Variants in EFCAB11 observed in about 807,000 individuals in gnomAD.
EFCAB11 encodes the protein EF-hand calcium-binding domain-containing protein 11.
EFCAB11 carries 14 observed loss-of-function variants against 23.0 expected under a neutral mutation model. The ratio of observed to expected loss-of-function variants is 0.61; its 90% CI spans 0.40 to 0.95. EFCAB11 has a LOEUF of 0.95. EFCAB11 is among the 40% of genes least tolerant of loss of function. EFCAB11 has a pLI of 0.00. For synonymous variants in EFCAB11, 65 were observed against 66.6 expected (o/e 0.98, Z 0.11); for missense variants, 198 against 195.8 (o/e 1.01, Z -0.07).
Position 89,908,505 on chromosome 14 carries a change from T to C in EFCAB11, c.410+23036A>G, listed in dbSNP as rs78798731. On this transcript the variant is annotated intron_variant, in intron 5 of 5. Coordinates refer to ENST00000316738, the MANE Select transcript of EFCAB11 (RefSeq NM_145231.4). ...ATGCACAAAACTATGAAAAATATTG[T>C]ATAAAATTACCTTCAGGCTTTGTGT... 4.3e-3 allele frequency among the ~76,000 whole-genome samples: 660 copies of C among 152,344 alleles called. 19 individuals carry two copies. The highest frequency in any genetic ancestry group is 0.032 in the Admixed American group (485 of 15,304).
At chr14:89,858,419 T>C (rs1887820201) in intron 5 of EFCAB11, among the ~76,000 whole-genome samples, 1 of 152,194 alleles carries the variant, frequency 6.6e-6, no homozygotes, top group Admixed American at 6.5e-5. Context: ...CAGCTGAGTG[T>C]CAGGGAAATT....
intron 5 of EFCAB11, among the ~76,000 whole-genome samples, chr14:89,874,420 C>T (rs1334270634): frequency 1.3e-5 from 2 of 152,294 alleles, no homozygotes; most frequent in South Asian, 2.1e-4. Context: ...TAACATTTGG[C>T]TCCTTGTTAT....
chr14:89,911,213 G>T (rs535583184), intron 5 of EFCAB11, among the ~76,000 whole-genome samples: 1 of 152,280 alleles, frequency 6.6e-6, no homozygotes, highest in African/African-American at 2.4e-5. Flanking sequence ...AAAATACAAG[G>T]CTAACCAAAC....
chr14:89,824,029 C>T (rs1886610952), intron 5 of EFCAB11, among the ~76,000 whole-genome samples: 2 of 152,022 alleles, frequency 1.3e-5, no homozygotes, highest in Admixed American at 1.3e-4. Flanking sequence ...AGAATGATGG[C>T]CAAACATTGT....
chr14:89,942,701 G>T (rs951217995), intron 3 of EFCAB11, among the ~76,000 whole-genome samples: 4 of 151,920 alleles, frequency 2.6e-5, no homozygotes, highest in Non-Finnish European at 5.9e-5. Flanking sequence ...AACAGTTTTT[G>T]CTTATATTCA....
At chr14:89,948,881 C>CAA (rs371225329) in intron 3 of EFCAB11, among the ~76,000 whole-genome samples, 18 of 113,088 alleles carry the variant, frequency 1.6e-4, no homozygotes, top group Non-Finnish European at 3.2e-4. Flanking sequence ...TTAATGGATA[C>CAA]AAAAAAAAAA....
chr14:89,895,139 T>C (rs1010750076), intron 5 of EFCAB11, among the ~76,000 whole-genome samples: 2 of 152,050 alleles, frequency 1.3e-5, no homozygotes, highest in Admixed American at 6.6e-5. Context: ...AGAATGGGGG[T>C]TGGCATATAA....
chr14:89,801,586 C>T (rs978153165), intron 5 of EFCAB11, among the ~76,000 whole-genome samples: 3 of 152,160 alleles, frequency 2.0e-5, no homozygotes, highest in African/African-American at 7.2e-5. Context: ...TACAGGAAGA[C>T]CTCAGATGAC....
At chr14:89,849,211 C>T (rs1887522058) in intron 5 of EFCAB11, among the ~76,000 whole-genome samples, 1 of 152,200 alleles carries the variant, frequency 6.6e-6, no homozygotes, top group Non-Finnish European at 1.5e-5. Flanking sequence ...ACCTCTAGGT[C>T]TGTGCCCAGG....
At chr14:89,843,457 T>A (rs1887334667) in intron 5 of EFCAB11, among the ~76,000 whole-genome samples, 1 of 152,314 alleles carries the variant, frequency 6.6e-6, no homozygotes, top group African/African-American at 2.4e-5. Context: ...GCTTCCGAAT[T>A]TCCTTTGTAG....
chr14:89,925,648 C>CTTTTTT lies in EFCAB11; in HGVS notation c.410+5887_410+5892dup, dbSNP rs397758240. ...GAGGAATACAAAGTTATGTTTCTTTCTTTTTTTTTTTTTTTGAGATGGAGT... is the reference window on the plus strand; with the variant it reads ...GAGGAATACAAAGTTATGTTTCTTTCTTTTTTTTTTTTTTTTTTTTTGAGATGGAGT... On this transcript the variant is annotated intron_variant, in intron 5 of 5. Coordinates refer to ENST00000316738, the MANE Select transcript of EFCAB11 (RefSeq NM_145231.4). 3.8e-3 allele frequency among the ~76,000 whole-genome samples: 512 copies of CTTTTTT among 134,670 alleles called. 9 individuals are homozygous for CTTTTTT. Among genetic ancestry groups the CTTTTTT allele is most frequent in the African/African-American group, 0.013 (463 of 35,602 alleles). The allele number at this position is 134,670 out of a possible 152,430, so 88.3% of individuals were successfully genotyped here.
chr14:89,856,104 T>C (rs565515960), intron 5 of EFCAB11, among the ~76,000 whole-genome samples: 72 of 152,276 alleles, frequency 4.7e-4, no homozygotes, highest in African/African-American at 1.6e-3. Flanking sequence ...CTTTACAAAG[T>C]GGTGAATTTT....
At chr14:89,906,606 A>C (rs1230203015) in intron 5 of EFCAB11, among the ~76,000 whole-genome samples, 1 of 152,184 alleles carries the variant, frequency 6.6e-6, no homozygotes, top group African/African-American at 2.4e-5. Flanking sequence ...GAAGACAGAA[A>C]ATTGTGTGTG....
At chr14:89,799,096 G>T (rs1885680638) in intron 5 of EFCAB11, 1 of 152,106 alleles carries the variant, frequency 6.6e-6, no homozygotes, top group African/African-American at 2.4e-5. Flanking sequence ...GCCTGTTATT[G>T]TATTAACTCC....
intron 5 of EFCAB11, among the ~76,000 whole-genome samples, chr14:89,907,801 G>A (rs553612759): frequency 6.6e-6 from 1 of 152,184 alleles, no homozygotes; most frequent in African/African-American, 2.4e-5. Flanking sequence ...GAGTCAGACT[G>A]TCTGGTCCAA....
chr14:89,816,590 C>T (rs2140096570), intron 5 of EFCAB11, among the ~76,000 whole-genome samples: 1 of 152,226 alleles, frequency 6.6e-6, no homozygotes, highest in South Asian at 2.1e-4. Context: ...CTTCTGAAAA[C>T]TAAACAAAGC....
intron 5 of EFCAB11, among the ~76,000 whole-genome samples, chr14:89,898,357 T>C (rs1209901012): frequency 1.5e-5 from 2 of 137,320 alleles, no homozygotes; most frequent in African/African-American, 6.3e-5. Flanking sequence ...TTTCTCGTTT[T>C]TGTTTTTGTT....
chr14:89,810,993 G>A (rs908641990), intron 5 of EFCAB11, among the ~76,000 whole-genome samples: 1 of 152,100 alleles, frequency 6.6e-6, no homozygotes, highest in African/African-American at 2.4e-5. Context: ...CCCTGAAGGA[G>A]TGACAGAAGG....
At chr14:89,931,354 T>C (rs1890382318) in intron 5 of EFCAB11, 187 bp downstream of exon 5, 1 of 570,136 alleles carries the variant, frequency 1.8e-6, no homozygotes, top group Admixed American at 3.4e-5. Context: ...TACAGTTCAC[T>C]GTCAGGGGCA....
Sources: allele counts gnomAD v4.1 joint callset (sites outside exome capture counted in the v4.1 genomes callset), GRCh38; gene constraint gnomAD v4.1.1; transcripts MANE v1.5; gene names NCBI Gene and HGNC (gene_info 2026-07-23, HGNC 2026-07-21).